FAM13A: variants seen among roughly 807,000 people sequenced by gnomAD.
FAM13A encodes the protein family with sequence similarity 13 member A.
In FAM13A, 76 loss-of-function variants were observed where a neutral mutation model predicts 129.6. The ratio of observed to expected loss-of-function variants is 0.59; its 90% CI spans 0.49 to 0.71. FAM13A has a LOEUF of 0.71. Ranked by LOEUF, FAM13A falls within the 30% of genes least tolerant of loss-of-function variation. FAM13A has a pLI of 0.00. For synonymous variants in FAM13A, 443 were observed against 449.9 expected (o/e 0.98, Z 0.20); for missense variants, 1,108 against 1,249.3 (o/e 0.89, Z 1.70).
At chr4:89,044,574 T>C (rs986375821) in intron 1 of FAM13A, among the ~76,000 whole-genome samples, 1 of 152,206 alleles carries the variant, frequency 6.6e-6, no homozygotes, top group African/African-American at 2.4e-5. Flanking sequence ...ATTCCCCTTC[T>C]GGGTACATAC....
At chr4:88,731,288 G>A (rs746942575) in intron 23 of FAM13A, 39 bp downstream of exon 23, 8 of 1,144,964 alleles carry the variant, frequency 7.0e-6, no homozygotes, top group East Asian at 2.4e-5. Flanking sequence ...TGTGTGGTGC[G>A]GCGGGGGGGA....
At chr4:88,804,686 T>G (rs976893642) in intron 8 of FAM13A, among the ~76,000 whole-genome samples, 4 of 139,462 alleles carry the variant, frequency 2.9e-5, no homozygotes, top group African/African-American at 1.1e-4. Context: ...CACTAACCTA[T>G]GCATATGTAT....
Position 89,029,588 on chromosome 4 carries a change from TTTAATGGCA to T in FAM13A, c.80_88del (p.Val27_Asn30delinsAsp). The T allele has an allele frequency of 1.3e-6, 2 of 1,591,136 alleles. No homozygotes were observed. Among genetic ancestry groups the T allele is most frequent in the Non-Finnish European group, 1.7e-6 (2 of 1,172,772 alleles). On this transcript the variant is annotated inframe_deletion, in exon 2 of 24. Transcript: ENST00000264344. ...CTGATAGGTAAAATCCTTCTGTTCA[TTTAATGGCA>T]CTGCCACTATCTTTTTCATGTCTTC...
At chr4:89,015,691 G>A (rs1326760248) in intron 3 of FAM13A, among the ~76,000 whole-genome samples, 1 of 151,974 alleles carries the variant, frequency 6.6e-6, no homozygotes, top group African/African-American at 2.4e-5. Context: ...ATTTTAGAGT[G>A]TACCCATTCT....
intron 5 of FAM13A, among the ~76,000 whole-genome samples, chr4:88,917,038 C>T (rs1239265793): frequency 6.6e-6 from 1 of 152,206 alleles, no homozygotes; most frequent in Non-Finnish European, 1.5e-5. Flanking sequence ...AAAACAACCT[C>T]TTCTGACTCC....
At chr4:88,975,740 C>T (rs9307052) in intron 4 of FAM13A, among the ~76,000 whole-genome samples, 14,675 of 152,204 alleles carry the variant, frequency 0.096, 738 homozygotes, top group Middle Eastern at 0.14. Context: ...TACTTAACAA[C>T]GGACTCTGTG....
intron 4 of FAM13A, among the ~76,000 whole-genome samples, chr4:88,977,953 C>T (rs1038434580): frequency 1.2e-4 from 18 of 152,152 alleles, no homozygotes; most frequent in East Asian, 9.6e-4. Context: ...TAATTTTTTA[C>T]GTGATACAAA....
intron 2 of FAM13A, among the ~76,000 whole-genome samples, chr4:89,021,716 C>A (rs1767281026): frequency 6.6e-6 from 1 of 151,994 alleles, no homozygotes; most frequent in African/African-American, 2.4e-5. Context: ...GAGGACCTGC[C>A]TTATGGAAAC....
intron 4 of FAM13A, among the ~76,000 whole-genome samples, chr4:88,973,821 G>T (rs1191463937): frequency 6.6e-6 from 1 of 152,028 alleles, no homozygotes. Context: ...CCATGATTAG[G>T]TCTGTCTTTT....
intron 4 of FAM13A, among the ~76,000 whole-genome samples, chr4:88,984,371 G>A (rs1761991383): frequency 2.0e-5 from 3 of 151,974 alleles, no homozygotes; most frequent in African/African-American, 7.2e-5. Context: ...TAGAATAGAA[G>A]AAAATATTTA....
intron 5 of FAM13A, among the ~76,000 whole-genome samples, chr4:88,927,561 T>A (rs1474235715): frequency 6.6e-6 from 1 of 151,582 alleles, no homozygotes; most frequent in African/African-American, 2.4e-5. Context: ...TGTTCAGGAG[T>A]GCTATCTATT....
intron 6 of FAM13A, among the ~76,000 whole-genome samples, chr4:88,900,734 G>A (rs116291832): frequency 5.9e-5 from 9 of 151,888 alleles, no homozygotes; most frequent in East Asian, 1.9e-4. Context: ...AAGCAACCAC[G>A]TAAACAAGTC....
intron 8 of FAM13A, among the ~76,000 whole-genome samples, chr4:88,793,122 G>T (rs994568721): frequency 6.6e-6 from 1 of 151,950 alleles, no homozygotes; most frequent in South Asian, 2.1e-4. Context: ...ACACTGAGTG[G>T]CAGAGGCTCT....
At chr4:88,749,969 G>A in intron 15 of FAM13A, 60 bp from the exon 16 acceptor site, 1 of 1,586,680 alleles carries the variant, frequency 6.3e-7, no homozygotes, top group Admixed American at 1.8e-5. Flanking sequence ...GCCTAGAGGG[G>A]CCCTGGGGAA....
chr4:89,010,661 C>T (rs1765610843), intron 3 of FAM13A, among the ~76,000 whole-genome samples: 2 of 152,164 alleles, frequency 1.3e-5, no homozygotes, highest in Non-Finnish European at 1.5e-5. Context: ...TACTACAACT[C>T]ACCTCACAAA....
intron 4 of FAM13A, among the ~76,000 whole-genome samples, chr4:88,942,866 T>G (rs1755014372): frequency 6.6e-6 from 1 of 152,230 alleles, no homozygotes; most frequent in African/African-American, 2.4e-5. Flanking sequence ...TTTGGTTTCC[T>G]GTTTTAAAAC....
chr4:88,958,068 G>A lies in FAM13A; in HGVS notation c.606-19827C>T, dbSNP rs138087750. 5.0e-3 allele frequency among the ~76,000 whole-genome samples: 761 copies of A among 151,168 alleles called. 6 individuals carry two copies. The highest frequency in any genetic ancestry group is 0.018 in the African/African-American group (723 of 41,084). On this transcript the variant is annotated intron_variant, in intron 4 of 23. Transcript: ENST00000264344. Reference sequence around the variant, plus strand: ...ATGTGCAGCCTGGCCAAGCGTCAGAGGGAAAAAAAAAAAGCTTTTTCAGGA... The same window carrying A: ...ATGTGCAGCCTGGCCAAGCGTCAGAAGGAAAAAAAAAAAGCTTTTTCAGGA...
At chr4:88,920,871 T>C (rs959316560) in intron 5 of FAM13A, among the ~76,000 whole-genome samples, 2 of 152,086 alleles carry the variant, frequency 1.3e-5, no homozygotes, top group East Asian at 3.8e-4. Flanking sequence ...CTGATGGAGC[T>C]GAAAGCCAAA....
intron 7 of FAM13A, among the ~76,000 whole-genome samples, chr4:88,807,444 TG>T (rs1319273876): frequency 1.3e-5 from 2 of 152,234 alleles, no homozygotes; most frequent in African/African-American, 2.4e-5. Context: ...TCCTTAATTC[TG>T]GTGAGAAAAG....
Sources: gnomAD v4.1 joint callset for allele counts (sites outside exome capture counted in the v4.1 genomes callset) on GRCh38, gnomAD v4.1.1 for gene constraint, MANE v1.5 for transcripts, NCBI Gene and HGNC (gene_info 2026-07-23, HGNC 2026-07-21) for gene names.